THSD7B: variants seen among roughly 807,000 people sequenced by gnomAD.
THSD7B encodes the protein thrombospondin type 1 domain containing 7B.
Under a neutral mutation model 213.6 loss-of-function variants are expected in THSD7B, and 138 were observed. The observed-to-expected ratio is 0.65, with a 90% CI of 0.56 to 0.74. The LOEUF is 0.74. THSD7B is among the 30% of genes least tolerant of loss of function. The pLI is 0.00. For missense variants in THSD7B, 1,931 were observed against 1,991.5 expected (o/e 0.97, Z 0.58); for synonymous variants, 742 against 687.0 (o/e 1.08, Z -1.25).
chr2:137,275,916 A>G lies in THSD7B; in HGVS notation c.2397-7A>G. 6.2e-7 allele frequency: 1 copy of G among 1,605,452 alleles called. No individual in the cohort carries two copies. The highest frequency in any genetic ancestry group is 8.5e-7 in the Non-Finnish European group (1 of 1,176,268). On this transcript the variant is annotated splice_region_variant and splice_polypyrimidine_tract_variant and intron_variant, in intron 11 of 27. Coordinates refer to ENST00000409968, the MANE Select transcript of THSD7B (RefSeq NM_001316349.2). Reference sequence around the variant, plus strand: ...AGTTTCTAGTCCATCGTTTTTGGTAATCACAGGTGGAAGCCACAGAAATGG... The same window carrying G: ...AGTTTCTAGTCCATCGTTTTTGGTAGTCACAGGTGGAAGCCACAGAAATGG...
intron 17 of THSD7B, among the ~76,000 whole-genome samples, chr2:137,606,481 ATTGT>A (rs1413488268): frequency 6.6e-6 from 1 of 152,134 alleles, no homozygotes; most frequent in Non-Finnish European, 1.5e-5. Flanking sequence ...TTCTAGATCC[ATTGT>A]TTGGCCCCTT....
At chr2:136,878,547 G>A (rs1443237325) in intron 1 of THSD7B, among the ~76,000 whole-genome samples, 2 of 152,018 alleles carry the variant, frequency 1.3e-5, no homozygotes, top group East Asian at 1.9e-4. Context: ...GTGTAAAAGT[G>A]TTCCTATTTC....
chr2:137,184,466 A>G (rs985133367), intron 7 of THSD7B, among the ~76,000 whole-genome samples: 2 of 152,158 alleles, frequency 1.3e-5, no homozygotes, highest in Admixed American at 1.3e-4. Flanking sequence ...ATCACAAGAC[A>G]AGTGTATTTA....
intron 1 of THSD7B, among the ~76,000 whole-genome samples, chr2:136,864,655 T>C (rs1652436): frequency 0.58 from 87,619 of 151,880 alleles, 25,620 homozygotes; most frequent in Middle Eastern, 0.77. Context: ...CAGGTTCACA[T>C]CATTCTCCTG....
Position 136,825,718 on chromosome 2 carries a change from A to ATTTTTTTTTTTTTT in THSD7B, c.-35-56423_-35-56410dup, listed in dbSNP as rs55814718. 1.7e-3 allele frequency among the ~76,000 whole-genome samples: 199 copies of ATTTTTTTTTTTTTT among 116,870 alleles called. 14 individuals are homozygous for ATTTTTTTTTTTTTT. Among genetic ancestry groups the ATTTTTTTTTTTTTT allele is most frequent in the African/African-American group, 5.9e-3 (177 of 29,876 alleles). 76.7% of individuals were successfully genotyped at this position (116,870 alleles called of 152,430 possible). The stretch of plus-strand genomic sequence containing the variant: ...AGGTGCTCACTGCCATGCCTGGCTA[A>ATTTTTTTTTTTTTT]TTTTTTTTTTTTTTTTAGATCTGGG... On this transcript the variant is annotated intron_variant, in intron 1 of 27. Coordinates refer to ENST00000409968, the MANE Select transcript of THSD7B (RefSeq NM_001316349.2).
intron 1 of THSD7B, among the ~76,000 whole-genome samples, chr2:136,856,085 G>A (rs1683177168): frequency 6.6e-6 from 1 of 152,056 alleles, no homozygotes; most frequent in South Asian, 2.1e-4. Flanking sequence ...TCACTTTCAG[G>A]AATAATTTTG....
chr2:137,663,280 C>T lies in THSD7B; in HGVS notation c.4459-103C>T, dbSNP rs867909467. 7.5e-5 allele frequency: 73 copies of T among 972,408 alleles called. No homozygotes were observed. In the African/African-American group the frequency reaches 9.4e-4, roughly 13 times the overall value. 60.2% of individuals were successfully genotyped at this position (972,408 alleles called of 1,614,324 possible). A position where few individuals can be genotyped will look rare whatever the true frequency, so the allele number is the denominator to read the frequency against. On this transcript the variant is annotated intron_variant, in intron 25 of 27. Transcript: ENST00000409968. ...GTCAGTTGCCCCAAACCCTACATTG[C>T]CATGATGTATAGTGCAAATATTAAG...
intron 2 of THSD7B, among the ~76,000 whole-genome samples, chr2:137,044,095 C>G (rs1319233059): frequency 6.6e-6 from 1 of 152,192 alleles, no homozygotes; most frequent in Admixed American, 6.5e-5. Context: ...GGGTTTTTCT[C>G]AGCTTCTCCT....
rs183266107 is a variant in THSD7B at position 137,348,013 on chromosome 2, A to C, written c.2501-57600A>C. Among the ~76,000 whole-genome samples, 181 of 151,716 alleles carry C rather than the reference A, an allele frequency of 1.2e-3. 1 individual carries two copies. The highest frequency in any genetic ancestry group is 4.1e-3 in the African/African-American group (169 of 41,492). The stretch of plus-strand genomic sequence containing the variant: ...AGCATTACTAGAGGAAATGTAGACC[A>C]GAGTTTCACAGTAGCTGCACTTAAA... On this transcript the variant is annotated intron_variant, in intron 12 of 27. Transcript: ENST00000409968.
intron 15 of THSD7B, among the ~76,000 whole-genome samples, chr2:137,493,047 G>T (rs1679463165): frequency 2.0e-5 from 3 of 146,780 alleles, no homozygotes. Flanking sequence ...CTTGAACCTG[G>T]GAGGAGGAGG....
intron 15 of THSD7B, among the ~76,000 whole-genome samples, chr2:137,490,856 AT>A (rs1688590506): frequency 6.6e-6 from 1 of 152,244 alleles, no homozygotes; most frequent in East Asian, 1.9e-4. Context: ...ATATATTTTA[AT>A]TACGAAGACA....
At chr2:137,038,367 T>C (rs1558895867) in intron 2 of THSD7B, among the ~76,000 whole-genome samples, 1 of 152,084 alleles carries the variant, frequency 6.6e-6, no homozygotes, top group African/African-American at 2.4e-5. Flanking sequence ...AGAAGAGCCA[T>C]TTCTCTGTGA....
intron 5 of THSD7B, among the ~76,000 whole-genome samples, chr2:137,141,094 G>C (rs984615711): frequency 1.3e-5 from 2 of 152,162 alleles, no homozygotes; most frequent in Admixed American, 1.3e-4. Context: ...TTTCTCACAT[G>C]GAGGAGTGTG....
chr2:137,486,630 G>T (rs1241063684), intron 15 of THSD7B, among the ~76,000 whole-genome samples: 2 of 150,420 alleles, frequency 1.3e-5, no homozygotes, highest in African/African-American at 2.4e-5. Flanking sequence ...ACTCAGCTCT[G>T]CACCAAGCGG....
chr2:137,498,335 CTTTTT>C (rs10535733), intron 15 of THSD7B, among the ~76,000 whole-genome samples: 1 of 146,540 alleles, frequency 6.8e-6, no homozygotes. Context: ...ACAGTAAAGT[CTTTTT>C]TTTTTTTTTC....
At chr2:137,242,646 T>A in intron 10 of THSD7B, 74 bp downstream of exon 10, 1 of 1,147,402 alleles carries the variant, frequency 8.7e-7, no homozygotes, top group South Asian at 1.4e-5. Flanking sequence ...AAGTGAGAGG[T>A]TGTGGAATGT....
At chr2:137,626,467 AAAAAAAAAAAAAAG>A (rs1255141360) in intron 20 of THSD7B, among the ~76,000 whole-genome samples, 1 of 131,244 alleles carries the variant, frequency 7.6e-6, no homozygotes, top group African/African-American at 3.4e-5. Context: ...CTGTCTCAAA[AAAAAAAAAAAAAAG>A]AAAAAGAAAA....
At chr2:137,516,666 A>G (rs1680074979) in intron 15 of THSD7B, among the ~76,000 whole-genome samples, 1 of 152,034 alleles carries the variant, frequency 6.6e-6, no homozygotes, top group African/African-American at 2.4e-5. Context: ...GGGTCCACGG[A>G]CTCATTCTGT....
intron 7 of THSD7B, among the ~76,000 whole-genome samples, chr2:137,230,441 G>T (rs1050521174): frequency 6.6e-6 from 1 of 152,116 alleles, no homozygotes; most frequent in Non-Finnish European, 1.5e-5. Flanking sequence ...ATTCAAGGGG[G>T]AATATTAAAT....
Sources: gnomAD v4.1 joint callset for allele counts (sites outside exome capture counted in the v4.1 genomes callset) on GRCh38, gnomAD v4.1.1 for gene constraint, MANE v1.5 for transcripts, NCBI Gene and HGNC (gene_info 2026-07-23, HGNC 2026-07-21) for gene names.